KIAA1210: variants seen among roughly 807,000 people sequenced by gnomAD.
KIAA1210 encodes acrosomal protein KIAA1210.
A neutral mutation model predicts 78.9 loss-of-function variants in KIAA1210; 48 were observed. The observed-to-expected ratio is 0.61, with a 90% CI of 0.48 to 0.77. KIAA1210 has a LOEUF of 0.77. Ranked by LOEUF, KIAA1210 falls within the 30% of genes least tolerant of loss-of-function variation. The probability of loss-of-function intolerance (pLI) is 0.00; values close to 1 mark genes in which losing one functional copy is unlikely to be tolerated. For synonymous variants in KIAA1210, 406 were observed against 404.5 expected, an observed-to-expected ratio of 1.00 and a Z score of -0.04; for missense variants, 1,108 against 1,100.0, an observed-to-expected ratio of 1.01 and a Z score of -0.10.
rs1266125096 is a variant in KIAA1210, at chrX:119,088,827, A to G, written c.1875T>C (p.Ser625=). 8.3e-7 allele frequency: 1 copy of G among 1,211,525 alleles called. No homozygotes were observed. Among genetic ancestry groups the G allele is most frequent in the East Asian group, 3.0e-5 (1 of 33,839 alleles). ...CTTCAAACTTCCCCAAGGACTGGGA[A>G]GAGTGACCATGAGCCAGTTCTTCAG... ...DGSEELAHGH[S]SQSLGKFEDE... is the part of the protein sequence containing the mutation. Residue 625 remains serine (S), a synonymous_variant, in exon 9 of 12, where the codon TCT becomes TCC. Coordinates refer to ENST00000691062, the MANE Select transcript of KIAA1210 (RefSeq NM_001394962.1).
At chrX:119,134,738 C>A (rs1431048945) in intron 2 of KIAA1210, among the ~76,000 whole-genome samples, 1 of 112,194 alleles carries the variant, frequency 8.9e-6, no homozygotes. Flanking sequence ...CTCTGAGCAC[C>A]CTGATTGTCA....
At position 119,085,538 on chromosome X, in the gene KIAA1210, C is replaced by A. The variant is rs1927104344; in HGVS notation, c.4165G>T (p.Ala1389Ser). 1 of 1,208,084 alleles carries A rather than the reference C, an allele frequency of 8.3e-7. No homozygotes were observed. Among genetic ancestry groups the A allele is most frequent in the East Asian group, 3.0e-5 (1 of 33,786 alleles). The change falls in exon 10 of 12, where the codon GCT (alanine) becomes TCT (serine). Residue 1389 changes from alanine to serine, a missense_variant. Transcript: ENST00000691062. ...QPACKTPGKP[A>S]GQQSDYAVSE... ...ACAGCATAATCTGACTGTTGACCAGCAGGCTTTCCTGAGAAAGAAATGAAA... is the reference window on the plus strand; with the variant it reads ...ACAGCATAATCTGACTGTTGACCAGAAGGCTTTCCTGAGAAAGAAATGAAA...
At position 119,125,020 on chromosome X, in the gene KIAA1210, A is replaced by G. The variant is rs749400292; in HGVS notation, c.-10-1368T>C. 8.0e-5 allele frequency among the ~76,000 whole-genome samples: 9 copies of G among 112,406 alleles called. No individual in the cohort carries two copies. In the South Asian group the frequency reaches 3.4e-3, roughly 42 times the overall value. ...TCTTAATTTATAAAGAGCTCATATA[A>G]ATCAATAAAAGACAAACAACTTGGT... On this transcript the variant is annotated intron_variant, in intron 1 of 11. Coordinates refer to ENST00000691062, the MANE Select transcript of KIAA1210 (RefSeq NM_001394962.1).
At chrX:119,146,399 A>G (rs1168564419) in intron 2 of KIAA1210, among the ~76,000 whole-genome samples, 1 of 111,995 alleles carries the variant, frequency 8.9e-6, no homozygotes, top group Non-Finnish European at 1.9e-5. Flanking sequence ...ATGAAATAAT[A>G]TACTTTTCCA....
At chrX:119,136,623 T>TC (rs889942787) in intron 2 of KIAA1210, among the ~76,000 whole-genome samples, 10 of 111,029 alleles carry the variant, frequency 9.0e-5, no homozygotes, top group African/African-American at 3.3e-4. Flanking sequence ...GCCCAGGAGT[T>TC]CAAGAGCAGC....
In KIAA1210 at chrX:119,086,772, C is replaced by T. The variant is rs771385213; in HGVS notation, c.3930G>A (p.Ser1310=). The change falls in exon 9 of 12, where the codon TCG becomes TCA. Residue 1310 remains serine, a synonymous_variant. Transcript: ENST00000691062. ...CTTGTTTCTCACTCTTATACTTCTG[C>T]GAGGGAGGGGCTCTTTTCAGTCGAA... ...FGVRLKRAPP[S]QKYKSEKQDN... The T allele has an allele frequency of 8.1e-5, 98 of 1,208,637 alleles. No individual in the cohort carries two copies. The Admixed American group carries it at 1.4e-3, about 17-fold the overall frequency.
intron 5 of KIAA1210, 141 bp downstream of exon 5, chrX:119,108,196 T>C (rs182619105): frequency 1.9e-6 from 1 of 520,632 alleles, no homozygotes; most frequent in East Asian, 3.5e-5. Context: ...ATACCCACTG[T>C]AGATGAGGAA....
chrX:119,104,551 C>T (rs749676808), intron 6 of KIAA1210, among the ~76,000 whole-genome samples: 5 of 112,050 alleles, frequency 4.5e-5, no homozygotes, highest in Non-Finnish European at 7.5e-5. Context: ...CTATTATACG[C>T]TGATTGATAT....
upstream of KIAA1210, chrX:119,150,717 C>A: frequency 1.5e-6 from 1 of 658,133 alleles, no homozygotes; most frequent in Admixed American, 3.3e-5. Context: ...AGGAGGGCAC[C>A]GCCCCCAACC....
rs1010997372 is a variant in KIAA1210 at position 119,087,508 on chromosome X, T to A, written c.3194A>T (p.Asp1065Val). Residue 1065 changes from aspartate (D) to valine (V), a missense_variant, in exon 9 of 12, where the codon GAT (aspartate) becomes GTT (valine). Physicochemically the swap from Asp to Val is radical, Grantham distance 152. Around this residue, in one of 5 missense-constraint regions of KIAA1210, gnomAD observed 179 missense variants for 174.1 expected, o/e 1.03. Transcript: ENST00000691062. ...TCCCTTAGGATTAGCACTCCCTGAA[T>A]CTGAGAAAACTTGGTGCTTGACTTC... is the stretch of plus-strand genomic sequence containing the variant. ...KPEVKHQVFS[D>V]SGSANPKGGI... The A allele has an allele frequency of 6.6e-6, 8 of 1,209,291 alleles. No homozygotes were observed. Among genetic ancestry groups the A allele is most frequent in the Non-Finnish European group, 8.9e-6 (8 of 894,985 alleles).
At chrX:119,127,001 G>C (rs1184172426) in intron 1 of KIAA1210, among the ~76,000 whole-genome samples, 1 of 110,803 alleles carries the variant, frequency 9.0e-6, no homozygotes, top group Non-Finnish European at 1.9e-5. Context: ...TTGAGCCTGG[G>C]AGGTCGAGGG....
chrX:119,119,805 T>G (rs1260374492), intron 2 of KIAA1210, among the ~76,000 whole-genome samples: 1 of 108,562 alleles, frequency 9.2e-6, no homozygotes, highest in East Asian at 2.9e-4. Context: ...TGAAACCCCG[T>G]CTCTACTAAA....
At chrX:119,113,848 C>T (rs1928164385) in intron 3 of KIAA1210, among the ~76,000 whole-genome samples, 1 of 111,398 alleles carries the variant, frequency 9.0e-6, no homozygotes, top group South Asian at 3.7e-4. Flanking sequence ...CTCTTGAAAA[C>T]ATGCTAAGTG....
At chrX:119,126,093 C>A (rs1378820166) in intron 1 of KIAA1210, among the ~76,000 whole-genome samples, 1 of 109,023 alleles carries the variant, frequency 9.2e-6, no homozygotes, top group Non-Finnish European at 1.9e-5. Flanking sequence ...CCCCTTGCCA[C>A]TCCAGATCTG....
chrX:119,144,580 G>A (rs748995692), intron 2 of KIAA1210, among the ~76,000 whole-genome samples: 6 of 111,816 alleles, frequency 5.4e-5, no homozygotes, highest in Non-Finnish European at 7.5e-5. Flanking sequence ...ATCCTGTGAG[G>A]GCTGAGAGTT....
At position 119,085,536 on chromosome X, in the gene KIAA1210, A is replaced by G. The variant is rs761075621; in HGVS notation, c.4167T>C (p.Ala1389=). Residue 1389 remains alanine (A), a synonymous_variant, in exon 10 of 12, where the codon GCT becomes GCC. Coordinates refer to ENST00000691062, the MANE Select transcript of KIAA1210 (RefSeq NM_001394962.1). ...AGACAGCATAATCTGACTGTTGACCAGCAGGCTTTCCTGAGAAAGAAATGA... is the reference window on the plus strand; with the variant it reads ...AGACAGCATAATCTGACTGTTGACCGGCAGGCTTTCCTGAGAAAGAAATGA... The part of the protein sequence containing the change: ...QPACKTPGKP[A]GQQSDYAVSE... 5.8e-6 allele frequency: 7 copies of G among 1,208,727 alleles called. No individual in the cohort carries two copies. The Admixed American group carries it at 1.5e-4, about 26-fold the overall frequency.
rs1927247405 is a variant in KIAA1210, at chrX:119,088,572, T to C, written c.2130A>G (p.Lys710=). ...RHPAQALGKP[K]NQQEVSSASN... ...AAGCAGAGGAGACTTCTTGTTGGTT[T>C]TTGGGCTTTCCCAAGGCCTGAGCAG... The change falls in exon 9 of 12, where the codon AAA becomes AAG. Residue 710 remains lysine (K), a synonymous_variant. Coordinates refer to ENST00000691062, the MANE Select transcript of KIAA1210 (RefSeq NM_001394962.1). 8.3e-7 allele frequency: 1 copy of C among 1,209,703 alleles called. No individual in the cohort carries two copies. Among genetic ancestry groups the C allele is most frequent in the African/African-American group, 1.7e-5 (1 of 57,169 alleles).
chrX:119,083,295 C>A lies in KIAA1210; in HGVS notation c.4321-175G>T, dbSNP rs142355170. ...AGATAAGGAGAGAAATAGCATTGAG[C>A]CTTTTGGCTTAAAATTTAGGTTCAC... On this transcript the variant is annotated intron_variant, in intron 10 of 11. Coordinates refer to ENST00000691062, the MANE Select transcript of KIAA1210 (RefSeq NM_001394962.1). Among the ~76,000 whole-genome samples the A allele has an allele frequency of 5.8e-3, 652 of 112,131 alleles. 19 individuals are homozygous for A. The highest frequency in any genetic ancestry group is 0.053 in the Admixed American group (564 of 10,599).
rs374553358 is a variant in KIAA1210 at position 119,092,280 on chromosome X, C to G, written c.955+1387G>C. Among the ~76,000 whole-genome samples, 30 of 111,419 alleles carry G rather than the reference C, an allele frequency of 2.7e-4. 1 individual carries two copies. The East Asian group carries it at 8.5e-3, about 31-fold the overall frequency. Reference sequence around the variant, plus strand: ...CCCCAGATGGAAGGGCCCCTTGTGCCTTTCTTCCCTCACTATCTGCTGCAT... The same window carrying G: ...CCCCAGATGGAAGGGCCCCTTGTGCGTTTCTTCCCTCACTATCTGCTGCAT... On this transcript the variant is annotated intron_variant, in intron 8 of 11. Coordinates refer to ENST00000691062, the MANE Select transcript of KIAA1210 (RefSeq NM_001394962.1).
Sources: gnomAD v4.1 joint callset for allele counts (sites outside exome capture counted in the v4.1 genomes callset) on GRCh38, gnomAD v4.1.1 for gene constraint, gnomAD v4.1.1 regional missense constraint, MANE v1.5 for transcripts, NCBI Gene and HGNC (gene_info 2026-07-23, HGNC 2026-07-21) for gene names.